The following PLD1 variants were observed in gnomAD, a reference collection of about 807,000 sequenced individuals.
The protein encoded by PLD1 is phospholipase D1.
Under a neutral mutation model 137.1 loss-of-function variants are expected in PLD1, and 112 were observed. That is an observed-to-expected ratio of 0.82 (90% CI 0.70 to 0.96). The LOEUF (loss-of-function observed/expected upper bound fraction) is 0.96, where lower values mean the gene tolerates loss of function less well. PLD1 is among the 40% of genes least tolerant of loss of function. The pLI is 0.00. For synonymous variants in PLD1, 431 were observed against 454.7 expected (o/e 0.95, Z 0.66); for missense variants, 1,321 against 1,342.0 (o/e 0.98, Z 0.24).
intron 1 of PLD1, among the ~76,000 whole-genome samples, chr3:171,808,574 T>G (rs1723969224): frequency 6.6e-6 from 1 of 152,062 alleles, no homozygotes; most frequent in African/African-American, 2.4e-5. Flanking sequence ...AGTCCTACTT[T>G]TCCTTTGTAA....
intron 23 of PLD1, among the ~76,000 whole-genome samples, chr3:171,630,112 C>T (rs1460109779): frequency 2.0e-5 from 3 of 151,122 alleles, no homozygotes; most frequent in Non-Finnish European, 4.4e-5. Flanking sequence ...GCAACCTACT[C>T]ATCTGACAAA....
chr3:171,657,088 T>C (rs1413392677), intron 21 of PLD1, among the ~76,000 whole-genome samples: 1 of 152,220 alleles, frequency 6.6e-6, no homozygotes, highest in African/African-American at 2.4e-5. Flanking sequence ...GTTTTTTGCC[T>C]ATTGTGGTTA....
chr3:171,748,150 C>T (rs375568983), intron 1 of PLD1, among the ~76,000 whole-genome samples: 1 of 152,142 alleles, frequency 6.6e-6, no homozygotes, highest in African/African-American at 2.4e-5. Flanking sequence ...TTTATTCCTG[C>T]CCCTGTAAAT....
chr3:171,775,996 T>C (rs1246035912), intron 1 of PLD1, among the ~76,000 whole-genome samples: 2 of 152,238 alleles, frequency 1.3e-5, no homozygotes, highest in Non-Finnish European at 2.9e-5. Context: ...GCAGGACTTC[T>C]GACTTTGTGT....
At chr3:171,697,083 G>A (rs1269204490) in intron 12 of PLD1, among the ~76,000 whole-genome samples, 1 of 152,104 alleles carries the variant, frequency 6.6e-6, no homozygotes, top group Non-Finnish European at 1.5e-5. Flanking sequence ...CAGGCCTGCA[G>A]GATCTTCCTC....
intron 23 of PLD1, among the ~76,000 whole-genome samples, chr3:171,639,572 T>TG (rs1735493500): frequency 1.1e-5 from 1 of 90,298 alleles, no homozygotes; most frequent in African/African-American, 4.8e-5. Context: ...ATATTATATA[T>TG]AATATATATT....
chr3:171,715,208 G>C (rs1717580594), intron 8 of PLD1, among the ~76,000 whole-genome samples: 1 of 152,190 alleles, frequency 6.6e-6, no homozygotes, highest in South Asian at 2.1e-4. Context: ...GTTTACTGAA[G>C]AGTGTGCACT....
At chr3:171,787,942 C>T (rs1174705255) in intron 1 of PLD1, among the ~76,000 whole-genome samples, 3 of 151,906 alleles carry the variant, frequency 2.0e-5, no homozygotes, top group Non-Finnish European at 4.4e-5. Context: ...AGCAGTGGCT[C>T]ATGCCTATAC....
intron 2 of PLD1, 66 bp downstream of exon 2, chr3:171,737,826 A>G: frequency 2.0e-6 from 3 of 1,526,640 alleles, no homozygotes; most frequent in Non-Finnish European, 2.7e-6. Flanking sequence ...GGTTACTTCA[A>G]ATTTGTGGTC....
intron 12 of PLD1, 89 bp downstream of exon 12, chr3:171,699,656 A>C: frequency 1.1e-6 from 1 of 886,398 alleles, no homozygotes; most frequent in East Asian, 2.4e-5. Context: ...GTGAAAAGTT[A>C]TACGTGTGAA....
intron 1 of PLD1, among the ~76,000 whole-genome samples, chr3:171,807,501 T>G (rs920975190): frequency 1.3e-5 from 2 of 152,176 alleles, no homozygotes; most frequent in African/African-American, 4.8e-5. Flanking sequence ...CATGTACACT[T>G]AAAAATGGCT....
intron 19 of PLD1, among the ~76,000 whole-genome samples, chr3:171,671,536 T>C (rs1389985138): frequency 6.6e-6 from 1 of 152,220 alleles, no homozygotes; most frequent in African/African-American, 2.4e-5. Flanking sequence ...TGTAATAGCC[T>C]CTTCACTTGT....
At chr3:171,730,986 G>A (rs1434446007) in intron 6 of PLD1, among the ~76,000 whole-genome samples, 1 of 151,178 alleles carries the variant, frequency 6.6e-6, no homozygotes, top group Non-Finnish European at 1.5e-5. Context: ...ACATTTCTAA[G>A]CTGATCATAG....
At chr3:171,624,233 G>A (rs1733890836) in intron 23 of PLD1, among the ~76,000 whole-genome samples, 1 of 151,992 alleles carries the variant, frequency 6.6e-6, no homozygotes, top group Non-Finnish European at 1.5e-5. Context: ...CACATGAATA[G>A]ACAATTCACA....
In PLD1 at chr3:171,659,236, G is replaced by A. The variant is rs1737459614; in HGVS notation, c.2406C>T (p.Ala802=). ...ACCTGTGAGCTTTCAGGATCCTCTG[G>A]GCAATGGCATCGCCTATCTTGTTGA... is the stretch of plus-strand genomic sequence containing the variant. ...VVFNKIGDAI[A]QRILKAHREN... Residue 802 remains alanine (A), a synonymous_variant, in exon 21 of 27, where the codon GCC becomes GCT. Transcript: ENST00000351298. 6.2e-7 allele frequency: 1 copy of A among 1,612,670 alleles called. No individual in the cohort carries two copies. Among genetic ancestry groups the A allele is most frequent in the Non-Finnish European group, 8.5e-7 (1 of 1,178,812 alleles).
intron 8 of PLD1, among the ~76,000 whole-genome samples, chr3:171,715,549 T>C (rs976684352): frequency 1.3e-5 from 2 of 152,154 alleles, no homozygotes; most frequent in Non-Finnish European, 2.9e-5. Flanking sequence ...AATCTGTAGA[T>C]TGCTTTGGAT....
chr3:171,764,886 AGAAAGAAAGGAAGGAAGGAAGGAAG>A (rs1721765774), intron 1 of PLD1, among the ~76,000 whole-genome samples: 1 of 26,836 alleles, frequency 3.7e-5, no homozygotes, highest in African/African-American at 1.6e-4. Context: ...AAAGAAAGAA[AGAAAGAAAGGAAGGAAGGAAGGAAG>A]GAAAGAAAGA....
intron 1 of PLD1, among the ~76,000 whole-genome samples, chr3:171,762,650 C>T (rs1031584160): frequency 1.3e-5 from 2 of 152,130 alleles, no homozygotes; most frequent in East Asian, 1.9e-4. Context: ...GTGGAAAGCC[C>T]GTTCCAGGAG....
At chr3:171,646,861 G>C (rs751905667) in intron 21 of PLD1, among the ~76,000 whole-genome samples, 8 of 152,114 alleles carry the variant, frequency 5.3e-5, no homozygotes, top group Non-Finnish European at 1.0e-4. Context: ...CCAGTGACAG[G>C]AGACTACCAC....
Sources: allele counts gnomAD v4.1 joint callset (sites outside exome capture counted in the v4.1 genomes callset), GRCh38; gene constraint gnomAD v4.1.1; transcripts MANE v1.5; gene names NCBI Gene and HGNC (gene_info 2026-07-23, HGNC 2026-07-21).